Variants in C8orf74 observed in about 807,000 individuals in gnomAD.
C8orf74 encodes chromosome 8 open reading frame 74.
A neutral mutation model predicts 22.2 loss-of-function variants in C8orf74; 29 were observed. The ratio of observed to expected loss-of-function variants is 1.31; its 90% CI spans 0.97 to 1.78. The LOEUF is 1.78. Among genes scored for constraint, C8orf74 ranks in the 40% most tolerant of loss-of-function variants. The pLI is 0.00. For missense variants in C8orf74, 515 were observed against 369.9 expected, an observed-to-expected ratio of 1.39 and a Z score of -3.22; for synonymous variants, 255 against 163.1, an observed-to-expected ratio of 1.56 and a Z score of -4.30.
chr8:10,672,863 C>G lies in C8orf74; in HGVS notation c.48+150C>G, dbSNP rs535551785. On this transcript the variant is annotated intron_variant, in intron 1 of 3. Coordinates refer to ENST00000304519, the MANE Select transcript of C8orf74 (RefSeq NM_001040032.2). ...TCTGAGGCTGTGACGAGATGTGGGG[C>G]CCAAACTTCAGGCCAGGGCTTACCA... 38 of 700,056 alleles carry G rather than the reference C, an allele frequency of 5.4e-5. No individual in the cohort carries two copies. In the Middle Eastern group the frequency reaches 1.1e-3, roughly 19 times the overall value. 43.4% of individuals were successfully genotyped at this position (700,056 alleles called of 1,614,324 possible).
chr8:10,674,675 G>T lies in C8orf74; in HGVS notation c.78G>T (p.Arg26Ser), dbSNP rs1798992979. The T allele has an allele frequency of 3.1e-6, 5 of 1,610,194 alleles. No individual in the cohort carries two copies. The highest frequency in any genetic ancestry group is 4.2e-6 in the Non-Finnish European group (5 of 1,178,384). ...QRPQGRERLRRLLNWEEFDEQ... is the reference protein window; with the variant it reads ...QRPQGRERLRSLLNWEEFDEQ... ...CACAAGGTCGGGAGCGCCTGCGGAG[G>T]CTTCTGAACTGGGAGGAGTTTGACG... The change falls in exon 2 of 4, where the codon AGG becomes AGT. Residue 26 changes from arginine (R) to serine (S), a missense_variant. Coordinates refer to ENST00000304519, the MANE Select transcript of C8orf74 (RefSeq NM_001040032.2).
At chr8:10,683,527 G>T (rs536148166) in intron 2 of C8orf74, among the ~76,000 whole-genome samples, 28 of 152,350 alleles carry the variant, frequency 1.8e-4, no homozygotes, top group Middle Eastern at 3.4e-3. Flanking sequence ...CTGTGGGACT[G>T]CCTAGTCGCT....
At chr8:10,688,871 G>A (rs1008773124) in intron 2 of C8orf74, 4 of 152,224 alleles carry the variant, frequency 2.6e-5, no homozygotes, top group South Asian at 2.1e-4. Flanking sequence ...AACAGACCAC[G>A]GACCCCGGGA....
chr8:10,697,750 G>T lies in C8orf74; in HGVS notation c.393G>T (p.Gln131His), dbSNP rs374889281. Reference protein sequence around the residue: ...HYKLYQYVLGQDQQVDLTVAH... With the variant: ...HYKLYQYVLGHDQQVDLTVAH... ...AACTCTACCAGTATGTCCTGGGCCA[G>T]GACCAGCAGGTCGACCTGACCGTTG... The change falls in exon 3 of 4, where the codon CAG becomes CAT. Residue 131 changes from glutamine to histidine, a missense_variant. Coordinates refer to ENST00000304519, the MANE Select transcript of C8orf74 (RefSeq NM_001040032.2). 6.2e-7 allele frequency: 1 copy of T among 1,614,068 alleles called. No individual in the cohort carries two copies. The highest frequency in any genetic ancestry group is 2.2e-5 in the East Asian group (1 of 44,878).
chr8:10,685,032 C>G (rs1002382521), intron 2 of C8orf74, among the ~76,000 whole-genome samples: 2 of 152,220 alleles, frequency 1.3e-5, no homozygotes, highest in East Asian at 3.8e-4. Flanking sequence ...GCAAGATGAC[C>G]CAGATTCCAT....
chr8:10,674,910 C>A, intron 2 of C8orf74, 72 bp downstream of exon 2: 1 of 1,308,472 alleles, frequency 7.6e-7, no homozygotes, highest in Non-Finnish European at 1.0e-6. Flanking sequence ...ACTCCCCTGC[C>A]GTCCACAGCC....
At chr8:10,677,847 C>T (rs999156550) in intron 2 of C8orf74, among the ~76,000 whole-genome samples, 1 of 152,220 alleles carries the variant, frequency 6.6e-6, no homozygotes, top group African/African-American at 2.4e-5. Context: ...TGGCATCAGG[C>T]TGGCAGTCCA....
At chr8:10,695,010 G>A (rs554764879) in intron 2 of C8orf74, among the ~76,000 whole-genome samples, 3 of 151,852 alleles carry the variant, frequency 2.0e-5, no homozygotes, top group Non-Finnish European at 4.4e-5. Context: ...TGGATGAATG[G>A]ATGGATGGGT....
chr8:10,672,789 C>A, intron 1 of C8orf74, 76 bp downstream of exon 1: 1 of 1,382,730 alleles, frequency 7.2e-7, no homozygotes, highest in Non-Finnish European at 1.0e-6. Flanking sequence ...GCACTGGAAG[C>A]GCCTCTTCAG....
At chr8:10,673,406 G>C (rs1398954303) in intron 1 of C8orf74, among the ~76,000 whole-genome samples, 4 of 152,096 alleles carry the variant, frequency 2.6e-5, no homozygotes, top group African/African-American at 9.7e-5. Flanking sequence ...TTTTCCTCTT[G>C]GCCTGCCCGT....
intron 3 of C8orf74, 31 bp from the exon 4 acceptor site, chr8:10,700,196 TCCCCAGCC>T: frequency 1.5e-6 from 2 of 1,378,448 alleles, no homozygotes; most frequent in Non-Finnish European, 2.0e-6. Context: ...CCGGCGAGGC[TCCCCAGCC>T]CTGCTCATCG....
intron 2 of C8orf74, chr8:10,687,104 C>T (rs550542684): frequency 2.2e-6 from 1 of 456,244 alleles, no homozygotes; most frequent in Non-Finnish European, 4.4e-6. Context: ...CCCACACAGC[C>T]CACCAGCTGT....
rs1303993482 is a variant in C8orf74, at chr8:10,674,717, G to C, written c.120G>C (p.Arg40=). 6.2e-7 allele frequency: 1 copy of C among 1,609,100 alleles called. No individual in the cohort carries two copies. Among genetic ancestry groups the C allele is most frequent in the South Asian group, 1.1e-5 (1 of 89,764 alleles). The change falls in exon 2 of 4, where the codon CGG becomes CGC. Residue 40 remains arginine (R), a synonymous_variant. Transcript: ENST00000304519. ...AGTTTGACGAACAGAGAGACTCCCGGAGGAGCATCCTGCTGGACACCCTCT... is the reference window on the plus strand; with the variant it reads ...AGTTTGACGAACAGAGAGACTCCCGCAGGAGCATCCTGCTGGACACCCTCT... ...WEEFDEQRDS[R]RSILLDTLYE...
chr8:10,691,238 A>G, intron 2 of C8orf74: 1 of 290,010 alleles, frequency 3.4e-6, no homozygotes, highest in Non-Finnish European at 7.0e-6. Flanking sequence ...TCTTAGGAGC[A>G]GGTCACAGCC....
intron 2 of C8orf74, among the ~76,000 whole-genome samples, chr8:10,694,004 C>G (rs1586049800): frequency 6.6e-6 from 1 of 152,232 alleles, no homozygotes. Flanking sequence ...GCCTGCTCCT[C>G]TGCTGTCACT....
intron 2 of C8orf74, among the ~76,000 whole-genome samples, chr8:10,682,825 G>C (rs375402860): frequency 2.7e-4 from 41 of 152,344 alleles, no homozygotes; most frequent in African/African-American, 9.4e-4. Flanking sequence ...TTCCGCAAGA[G>C]ACTATCCGTC....
At chr8:10,690,575 C>A (rs1230435054) in intron 2 of C8orf74, among the ~76,000 whole-genome samples, 1 of 152,144 alleles carries the variant, frequency 6.6e-6, no homozygotes, top group Non-Finnish European at 1.5e-5. Flanking sequence ...CCCTGGGAGG[C>A]AAGATGGGGG....
chr8:10,695,282 G>T (rs1271256293), intron 2 of C8orf74, among the ~76,000 whole-genome samples: 1 of 152,276 alleles, frequency 6.6e-6, no homozygotes, highest in East Asian at 1.9e-4. Context: ...AAAAAGGCCC[G>T]TGTCATATCT....
rs527601326 is a variant in C8orf74 at position 10,677,551 on chromosome 8, G to A, written c.241+2713G>A. On this transcript the variant is annotated intron_variant, in intron 2 of 3. Transcript: ENST00000304519. Reference sequence around the variant, plus strand: ...TATATAATGAGTCAAATATGCCTGTGTTTACTACCACCCATACCACACCAC... The same window carrying A: ...TATATAATGAGTCAAATATGCCTGTATTTACTACCACCCATACCACACCAC... Among the ~76,000 whole-genome samples, 7 of 152,164 alleles carry A rather than the reference G, an allele frequency of 4.6e-5. No homozygotes were observed. The South Asian group carries it at 1.5e-3, about 32-fold the overall frequency.
Sources: gnomAD v4.1 joint callset for allele counts (sites outside exome capture counted in the v4.1 genomes callset) on GRCh38, gnomAD v4.1.1 for gene constraint, MANE v1.5 for transcripts, NCBI Gene and HGNC (gene_info 2026-07-23, HGNC 2026-07-21) for gene names.